TMTC2: variants seen among roughly 807,000 people sequenced by gnomAD.
TMTC2 encodes transmembrane O-mannosyltransferase targeting cadherins 2.
TMTC2 carries 43 observed loss-of-function variants against 82.4 expected under a neutral mutation model. The ratio of observed to expected loss-of-function variants is 0.52; its 90% confidence interval spans 0.41 to 0.67. The LOEUF is 0.67. Ranked by LOEUF, TMTC2 falls within the 30% of genes least tolerant of loss-of-function variation. TMTC2 has a pLI of 0.00. For missense variants in TMTC2, 919 were observed against 1,012.4 expected, an observed-to-expected ratio of 0.91 and a Z score of 1.25; for synonymous variants, 408 against 381.9, an observed-to-expected ratio of 1.07 and a Z score of -0.80.
At chr12:82,848,044 A>T (rs1048491286) in intron 1 of TMTC2, among the ~76,000 whole-genome samples, 2 of 152,144 alleles carry the variant, frequency 1.3e-5, no homozygotes, top group African/African-American at 4.8e-5. Flanking sequence ...ACTTCTAAGG[A>T]GTTAGCAATA....
intron 11 of TMTC2, among the ~76,000 whole-genome samples, chr12:83,063,570 G>T (rs1448139788): frequency 6.6e-6 from 1 of 151,892 alleles, no homozygotes; most frequent in African/African-American, 2.4e-5. Context: ...GGGCTGAGAA[G>T]TTAATAACTC....
chr12:82,780,411 G>T (rs950228946), intron 1 of TMTC2, among the ~76,000 whole-genome samples: 2 of 151,572 alleles, frequency 1.3e-5, no homozygotes, highest in Non-Finnish European at 2.9e-5. Flanking sequence ...CAGACCCATT[G>T]CTTCATTTTC....
At chr12:83,077,881 T>TC (rs368921630) in intron 11 of TMTC2, among the ~76,000 whole-genome samples, 4 of 4,490 alleles carry the variant, frequency 8.9e-4, no homozygotes, top group Admixed American at 8.8e-3. Context: ...ACAATCTGTC[T>TC]TTTTTTTTTT....
chr12:82,733,856 G>A (rs562552746), intron 1 of TMTC2, among the ~76,000 whole-genome samples: 1 of 152,294 alleles, frequency 6.6e-6, no homozygotes, highest in South Asian at 2.1e-4. Context: ...CATAGCTGTG[G>A]AACTGGTCTT....
At chr12:82,692,884 CATA>C (rs1211747578) in intron 1 of TMTC2, among the ~76,000 whole-genome samples, 3 of 152,100 alleles carry the variant, frequency 2.0e-5, no homozygotes, top group Non-Finnish European at 4.4e-5. Context: ...GTGAAAAAGG[CATA>C]ATATTTTGAA....
chr12:82,951,323 G>C (rs534406728), intron 4 of TMTC2, among the ~76,000 whole-genome samples: 1 of 150,986 alleles, frequency 6.6e-6, no homozygotes, highest in African/African-American at 2.4e-5. Context: ...ATGGAGTCTC[G>C]CTCTGTCGCT....
chr12:82,967,740 G>T (rs1430499035), intron 7 of TMTC2, among the ~76,000 whole-genome samples: 2 of 152,060 alleles, frequency 1.3e-5, no homozygotes, highest in Non-Finnish European at 2.9e-5. Flanking sequence ...ATAATAAAGA[G>T]AAGAGAAGCA....
intron 4 of TMTC2, among the ~76,000 whole-genome samples, chr12:82,960,773 C>A (rs1005597424): frequency 6.7e-6 from 1 of 149,392 alleles, no homozygotes; most frequent in Non-Finnish European, 1.5e-5. Flanking sequence ...TGTACATGAA[C>A]CCCTTGAATC....
chr12:82,702,212 T>C (rs1873120907), intron 1 of TMTC2, among the ~76,000 whole-genome samples: 1 of 152,228 alleles, frequency 6.6e-6, no homozygotes, highest in South Asian at 2.1e-4. Flanking sequence ...CAATAAACCA[T>C]ATCAACCAAA....
chr12:82,717,955 G>T (rs1203460156), intron 1 of TMTC2, among the ~76,000 whole-genome samples: 1 of 152,124 alleles, frequency 6.6e-6, no homozygotes, highest in African/African-American at 2.4e-5. Flanking sequence ...GGCAACAGTG[G>T]TCTTATATCC....
Position 82,930,437 on chromosome 12 carries a change from G to A in TMTC2, c.1490G>A (p.Gly497Asp). The change falls in exon 4 of 12, where the codon GGT (glycine) becomes GAT (aspartate). Residue 497 changes from glycine to aspartate, a missense_variant. Coordinates refer to ENST00000321196, the MANE Select transcript of TMTC2 (RefSeq NM_152588.3). ...GIKVNPAKAW[G>D]NLGNVLKSQS... The stretch of plus-strand genomic sequence containing the variant: ...TTCTTTTTCTTCTTGGCAGCATGGG[G>A]TAACCTTGGAAATGTTCTGAAGAGT... The A allele has an allele frequency of 1.3e-6, 2 of 1,582,376 alleles. No homozygotes were observed. The highest frequency in any genetic ancestry group is 1.7e-6 in the Non-Finnish European group (2 of 1,158,664).
At chr12:83,043,740 C>G (rs1300410472) in intron 9 of TMTC2, among the ~76,000 whole-genome samples, 1 of 152,148 alleles carries the variant, frequency 6.6e-6, no homozygotes, top group African/African-American at 2.4e-5. Context: ...TGTATGCCCA[C>G]TGCAAGTACT....
intron 3 of TMTC2, among the ~76,000 whole-genome samples, chr12:82,923,485 T>C (rs936886823): frequency 2.0e-5 from 3 of 152,168 alleles, no homozygotes; most frequent in Non-Finnish European, 4.4e-5. Flanking sequence ...GAAGTCCTTT[T>C]TGAAGTACCC....
intron 11 of TMTC2, among the ~76,000 whole-genome samples, chr12:83,109,289 A>C: frequency 6.6e-6 from 1 of 152,168 alleles, no homozygotes; most frequent in Non-Finnish European, 1.5e-5. Context: ...CATACTTTTA[A>C]ACACACCAGA....
chr12:83,126,907 T>A (rs538490693), intron 11 of TMTC2, among the ~76,000 whole-genome samples: 1 of 152,154 alleles, frequency 6.6e-6, no homozygotes, highest in Non-Finnish European at 1.5e-5. Context: ...ATCCATTAAA[T>A]GTATGCATAA....
chr12:82,701,745 G>A (rs1873094090), intron 1 of TMTC2, among the ~76,000 whole-genome samples: 1 of 144,860 alleles, frequency 6.9e-6, no homozygotes, highest in Non-Finnish European at 1.5e-5. Context: ...TGGGCAACGA[G>A]CAAAACTCCG....
chr12:82,749,151 C>G (rs1159074369), intron 1 of TMTC2, among the ~76,000 whole-genome samples: 1 of 152,218 alleles, frequency 6.6e-6, no homozygotes, highest in Non-Finnish European at 1.5e-5. Flanking sequence ...CATAGCACCT[C>G]TTTGACGGTG....
intron 8 of TMTC2, among the ~76,000 whole-genome samples, chr12:83,005,004 C>A (rs115108774): frequency 0.015 from 2,165 of 145,334 alleles, 48 homozygotes; most frequent in African/African-American, 0.055. Context: ...ATACAAAAAA[C>A]AGCCGAGTGG....
intron 11 of TMTC2, among the ~76,000 whole-genome samples, chr12:83,107,421 G>A (rs1035303749): frequency 1.2e-4 from 19 of 152,072 alleles, no homozygotes; most frequent in African/African-American, 4.6e-4. Flanking sequence ...ACATGGCAGG[G>A]GTATCACTTG....
Sources: gnomAD v4.1 joint callset for allele counts (sites outside exome capture counted in the v4.1 genomes callset) on GRCh38, gnomAD v4.1.1 for gene constraint, MANE v1.5 for transcripts, NCBI Gene and HGNC (gene_info 2026-07-23, HGNC 2026-07-21) for gene names.